The following TTC7B variants were observed in gnomAD, a reference collection of about 807,000 sequenced individuals.
TTC7B encodes the protein tetratricopeptide repeat protein 7B.
In TTC7B, 28 loss-of-function variants were observed where a neutral mutation model predicts 106.8. The observed-to-expected ratio is 0.26, with a 90% confidence interval of 0.19 to 0.36. The LOEUF (loss-of-function observed/expected upper bound fraction) is 0.36. Among genes scored for constraint, TTC7B ranks in the 10% least tolerant of loss-of-function variants. The probability of loss-of-function intolerance (pLI) is 1.00; values close to 1 mark genes in which losing one functional copy is unlikely to be tolerated. For synonymous variants in TTC7B, 405 were observed against 430.6 expected, an observed-to-expected ratio of 0.94 and a Z score of 0.74; for missense variants, 862 against 1,076.4, an observed-to-expected ratio of 0.80 and a Z score of 2.79.
intron 18 of TTC7B, among the ~76,000 whole-genome samples, chr14:90,587,377 GGC>G (rs1440671887): frequency 6.6e-6 from 1 of 152,210 alleles, no homozygotes; most frequent in East Asian, 1.9e-4. Context: ...CCCTTCTCCT[GGC>G]TCCCCTTGGC....
intron 6 of TTC7B, among the ~76,000 whole-genome samples, chr14:90,694,547 G>A (rs755673288): frequency 6.7e-5 from 9 of 134,026 alleles, no homozygotes; most frequent in South Asian, 2.3e-4. Flanking sequence ...AAGGGCTTGC[G>A]CAAGTTCACA....
At chr14:90,653,047 A>C in intron 12 of TTC7B, 149 bp from the exon 13 acceptor site, 2 of 804,326 alleles carry the variant, frequency 2.5e-6, no homozygotes, top group South Asian at 3.2e-5. Flanking sequence ...GGCCCTGGAG[A>C]AGATAGGAAA....
chr14:90,614,252 C>T (rs189217653), intron 16 of TTC7B, among the ~76,000 whole-genome samples: 129 of 152,290 alleles, frequency 8.5e-4, no homozygotes, highest in Non-Finnish European at 8.5e-4. Context: ...TGAGATCACA[C>T]GACCTTGGCC....
intron 5 of TTC7B, among the ~76,000 whole-genome samples, chr14:90,711,430 A>AT (rs1041750519): frequency 3.9e-5 from 6 of 152,114 alleles, no homozygotes; most frequent in Non-Finnish European, 8.8e-5. Context: ...AAACAGAATT[A>AT]TTTTTTCTCC....
chr14:90,717,731 C>A (rs2139974734), intron 5 of TTC7B, among the ~76,000 whole-genome samples: 1 of 152,308 alleles, frequency 6.6e-6, no homozygotes, highest in South Asian at 2.1e-4. Flanking sequence ...GGTCCCCACC[C>A]CCAGCCCACC....
intron 15 of TTC7B, among the ~76,000 whole-genome samples, chr14:90,634,885 A>G (rs556665666): frequency 1.3e-5 from 2 of 152,368 alleles, no homozygotes; most frequent in African/African-American, 2.4e-5. Flanking sequence ...TAAACAGCCC[A>G]GTGAATACTG....
intron 1 of TTC7B, among the ~76,000 whole-genome samples, chr14:90,798,960 AC>A (rs550269523): frequency 1.4e-4 from 21 of 152,198 alleles, no homozygotes; most frequent in Non-Finnish European, 2.6e-4. Context: ...AAGAAAGATG[AC>A]CCATGTCACT....
chr14:90,555,970 T>A (rs146989604), intron 19 of TTC7B, among the ~76,000 whole-genome samples: 1 of 152,200 alleles, frequency 6.6e-6, no homozygotes, highest in East Asian at 1.9e-4. Flanking sequence ...GGGGTCCACA[T>A]GAGCTCCCTG....
chr14:90,621,319 C>T (rs938654047), intron 15 of TTC7B, among the ~76,000 whole-genome samples: 2 of 135,648 alleles, frequency 1.5e-5, no homozygotes, highest in Admixed American at 7.3e-5. Context: ...CGGGTACAGC[C>T]GGGACGATGG....
In TTC7B at chr14:90,644,170, C is replaced by T. The variant is rs756471648; in HGVS notation, c.1629G>A (p.Gln543=). The change falls in exon 15 of 20, where the codon CAG becomes CAA. Residue 543 remains glutamine, a synonymous_variant. Coordinates refer to ENST00000328459, the MANE Select transcript of TTC7B (RefSeq NM_001010854.2). The stretch of plus-strand genomic sequence containing the variant: ...GGGAGTTGGCATCGTCACCTTGAAG[C>T]TGAAGAGCTTGGCGGACATACCCCA... ...EALGYVRQAL[Q]LQGDDANSLH... is the part of the protein sequence containing the mutation. 4.3e-6 allele frequency: 7 copies of T among 1,611,964 alleles called. No homozygotes were observed. The East Asian group carries it at 1.1e-4, about 26-fold the overall frequency.
intron 1 of TTC7B, among the ~76,000 whole-genome samples, chr14:90,809,826 G>C (rs1394587596): frequency 6.6e-6 from 1 of 152,234 alleles, no homozygotes; most frequent in South Asian, 2.1e-4. Context: ...TGCCAAAATC[G>C]GTGGAGTAGG....
At chr14:90,673,816 T>C (rs1041268033) in intron 9 of TTC7B, among the ~76,000 whole-genome samples, 1 of 152,120 alleles carries the variant, frequency 6.6e-6, no homozygotes, top group South Asian at 2.1e-4. Flanking sequence ...CATTATGCTA[T>C]GTGAAAGAAG....
intron 5 of TTC7B, among the ~76,000 whole-genome samples, chr14:90,706,255 C>G (rs972542889): frequency 6.6e-5 from 10 of 151,632 alleles, no homozygotes; most frequent in African/African-American, 2.2e-4. Context: ...CTCCACCTCC[C>G]GGGTTCACAC....
chr14:90,673,353 T>C (rs1340560709), intron 9 of TTC7B, among the ~76,000 whole-genome samples: 2 of 152,198 alleles, frequency 1.3e-5, no homozygotes, highest in African/African-American at 4.8e-5. Context: ...CCAAGGAGCA[T>C]GCAGGACTAT....
At chr14:90,694,724 A>G (rs1887625271) in intron 6 of TTC7B, among the ~76,000 whole-genome samples, 1 of 59,716 alleles carries the variant, frequency 1.7e-5, no homozygotes, top group East Asian at 7.1e-4. Context: ...TAAAATAGGT[A>G]TATTTTATAT....
chr14:90,551,353 T>C (rs775658220), intron 19 of TTC7B, among the ~76,000 whole-genome samples: 2 of 152,148 alleles, frequency 1.3e-5, no homozygotes, highest in Non-Finnish European at 2.9e-5. Context: ...TCAGGGGCTA[T>C]GTCCATGGTA....
chr14:90,604,444 C>T (rs1014527), intron 17 of TTC7B, among the ~76,000 whole-genome samples: 12,142 of 152,174 alleles, frequency 0.08, 575 homozygotes, highest in East Asian at 0.2. Context: ...GTACGGTCAG[C>T]GGGTTTCTCG....
chr14:90,636,819 A>C (rs1160149385), intron 15 of TTC7B, among the ~76,000 whole-genome samples: 1 of 152,026 alleles, frequency 6.6e-6, no homozygotes, highest in East Asian at 1.9e-4. Context: ...AGAAATTTCA[A>C]AATATTTAGA....
intron 19 of TTC7B, among the ~76,000 whole-genome samples, chr14:90,546,465 T>C (rs1889834283): frequency 6.6e-6 from 1 of 152,250 alleles, no homozygotes; most frequent in Non-Finnish European, 1.5e-5. Flanking sequence ...GGCTTGTCTG[T>C]CAGCCAACGT....
Sources: allele counts gnomAD v4.1 joint callset (sites outside exome capture counted in the v4.1 genomes callset), GRCh38; gene constraint gnomAD v4.1.1; transcripts MANE v1.5; gene names NCBI Gene and HGNC (gene_info 2026-07-23, HGNC 2026-07-21).